Variants in PM20D2 observed in about 807,000 individuals in gnomAD.
PM20D2 encodes the protein peptidase M20 domain containing 2.
In PM20D2, 33 loss-of-function variants were observed where a neutral mutation model predicts 42.9. That is an observed-to-expected ratio of 0.77 (90% confidence interval 0.58 to 1.03). The LOEUF (loss-of-function observed/expected upper bound fraction) is 1.03, where lower values mean the gene tolerates loss of function less well. Ranked by LOEUF, PM20D2 falls within the 50% of genes least tolerant of loss-of-function variation. The pLI, the probability that PM20D2 is intolerant of heterozygous loss-of-function variation, is 0.00. For synonymous variants in PM20D2, 250 were observed against 228.2 expected, an observed-to-expected ratio of 1.10 and a Z score of -0.86; for missense variants, 548 against 557.0, an observed-to-expected ratio of 0.98 and a Z score of 0.16.
chr6:89,151,250 C>T (rs1203106021), intron 2 of PM20D2, among the ~76,000 whole-genome samples: 8 of 135,370 alleles, frequency 5.9e-5, no homozygotes, highest in South Asian at 4.4e-4. Flanking sequence ...TTTTTTTTTC[C>T]GAGAGAGTCT....
Position 89,158,367 on chromosome 6 carries a change from C to T in PM20D2, c.955C>T (p.Pro319Ser), listed in dbSNP as rs933939372. The T allele has an allele frequency of 6.2e-7, 1 of 1,607,352 alleles. No individual in the cohort carries two copies. Among genetic ancestry groups the T allele is most frequent in the South Asian group, 1.1e-5 (1 of 89,826 alleles). Residue 319 changes from proline (P) to serine (S), a missense_variant, in exon 5 of 7, where the codon CCC becomes TCC. Coordinates refer to ENST00000275072, the MANE Select transcript of PM20D2 (RefSeq NM_001010853.3). ...AGCACATGATTATTACAATGTTCTT[C>T]CCAATAAGAGCCTATGGAAAGCCTA... The part of the protein sequence containing the change: ...GGAHDYYNVL[P>S]NKSLWKAYME...
chr6:89,145,121 A>G (rs1417551267), upstream of PM20D2, among the ~76,000 whole-genome samples: 5 of 152,230 alleles, frequency 3.3e-5, no homozygotes. Context: ...AGAAGCTTTT[A>G]ATATGTGGAA....
chr6:89,123,985 T>C, the PM20D2 span, among the ~76,000 whole-genome samples: 1 of 152,128 alleles, frequency 6.6e-6, no homozygotes, highest in African/African-American at 2.4e-5. Context: ...TGAAGTGAGC[T>C]GTGTTCGTGC....
chr6:89,109,113 T>C, the PM20D2 span, among the ~76,000 whole-genome samples: 22 of 152,282 alleles, frequency 1.4e-4, no homozygotes, highest in Admixed American at 5.2e-4. Context: ...CCACAGACCA[T>C]AGACTGGCAT....
the PM20D2 span, among the ~76,000 whole-genome samples, chr6:89,129,557 G>A: frequency 6.3e-3 from 956 of 150,698 alleles, 7 homozygotes; most frequent in Admixed American, 8.5e-3. Flanking sequence ...ATAGAAAATG[G>A]ACCAAGACAC....
chr6:89,127,768 A>C, the PM20D2 span, among the ~76,000 whole-genome samples: 3 of 152,212 alleles, frequency 2.0e-5, no homozygotes, highest in African/African-American at 7.2e-5. Context: ...ATTTAAAATA[A>C]AATTTTAAAT....
the PM20D2 span, among the ~76,000 whole-genome samples, chr6:89,110,674 C>T: frequency 6.6e-6 from 1 of 152,148 alleles, no homozygotes; most frequent in Admixed American, 6.5e-5. Context: ...GTGAATCGGC[C>T]TTAGGTTCCC....
chr6:89,131,352 T>C, the PM20D2 span, among the ~76,000 whole-genome samples: 1 of 151,994 alleles, frequency 6.6e-6, no homozygotes, highest in African/African-American at 2.4e-5. Context: ...TTCAACCATA[T>C]CAAGGGGTTA....
At chr6:89,126,149 CT>C in the PM20D2 span, among the ~76,000 whole-genome samples, 1 of 151,758 alleles carries the variant, frequency 6.6e-6, no homozygotes, top group Admixed American at 6.6e-5. Context: ...AGTATCAGCA[CT>C]TTGGGAGGCC....
intron 2 of PM20D2, among the ~76,000 whole-genome samples, chr6:89,149,795 C>G (rs1770765953): frequency 6.6e-6 from 1 of 152,150 alleles, no homozygotes. Context: ...CCACACTTAT[C>G]CATTTTATTT....
the PM20D2 span, among the ~76,000 whole-genome samples, chr6:89,134,877 C>T: frequency 1.3e-5 from 2 of 151,164 alleles, 1 homozygote; most frequent in African/African-American, 4.9e-5. Context: ...GATCTAGCCT[C>T]AGGCTGATTT....
At chr6:89,106,949 G>C in the PM20D2 span, 1 of 614,152 alleles carries the variant, frequency 1.6e-6, no homozygotes, top group Admixed American at 2.1e-5. Context: ...CGCCTGCTGG[G>C]TTTATGCTTG....
At chr6:89,145,978 G>C (rs1770517963), upstream of PM20D2, 1 of 509,686 alleles carries the variant, frequency 2.0e-6, no homozygotes, top group Non-Finnish European at 3.1e-6. Context: ...CGTTTCCCGC[G>C]CGGCGCCGGG....
chr6:89,138,808 T>C, the PM20D2 span, among the ~76,000 whole-genome samples: 1 of 152,144 alleles, frequency 6.6e-6, no homozygotes, highest in African/African-American at 2.4e-5. Flanking sequence ...AAGGTTGCAG[T>C]GAGCAGAGAT....
At chr6:89,094,998 A>G in the PM20D2 span, among the ~76,000 whole-genome samples, 1 of 152,116 alleles carries the variant, frequency 6.6e-6, no homozygotes, top group Non-Finnish European at 1.5e-5. Flanking sequence ...ACTTGTTTCA[A>G]AATTGTATAA....
At chr6:89,098,827 C>T in the PM20D2 span, 2 of 1,613,950 alleles carry the variant, frequency 1.2e-6, no homozygotes, top group Non-Finnish European at 1.7e-6. Context: ...TGGACCTTGA[C>T]CGTCCTCTAG....
intron 2 of PM20D2, among the ~76,000 whole-genome samples, chr6:89,150,576 A>G (rs73505465): frequency 0.26 from 33,198 of 129,660 alleles, 4,388 homozygotes; most frequent in Middle Eastern, 0.3. Context: ...GTCTCACTCA[A>G]TTGCTCAGAC....
rs962346781 is a variant in PM20D2, at chr6:89,146,317, C to G, written c.173C>G (p.Ala58Gly). Residue 58 changes from alanine to glycine, a missense_variant, in exon 1 of 7, where the codon GCC (alanine) becomes GGC (glycine). This residue lies in a region of PM20D2 where 470 missense variants were observed against 464.4 expected (regional missense o/e 1.01). Transcript: ENST00000275072. ...GAGCTGGCCTACGAGGAGCACCATG[C>G]CCACCGCGTGCTGACGCACTTCTTC... is the stretch of plus-strand genomic sequence containing the variant. Reference protein sequence around the residue: ...QPELAYEEHHAHRVLTHFFER... With the variant: ...QPELAYEEHHGHRVLTHFFER... The G allele has an allele frequency of 1.9e-6, 3 of 1,578,538 alleles. No homozygotes were observed. Among genetic ancestry groups the G allele is most frequent in the Non-Finnish European group, 1.7e-6 (2 of 1,170,644 alleles).
chr6:89,117,707 G>C, the PM20D2 span: 1 of 1,061,488 alleles, frequency 9.4e-7, no homozygotes, highest in Non-Finnish European at 1.3e-6. Context: ...GCCTGGGCCC[G>C]CGGGGAGGCT....
Sources: gnomAD v4.1 joint callset for allele counts (sites outside exome capture counted in the v4.1 genomes callset) on GRCh38, gnomAD v4.1.1 for gene constraint, gnomAD v4.1.1 regional missense constraint, MANE v1.5 for transcripts, NCBI Gene and HGNC (gene_info 2026-07-23, HGNC 2026-07-21) for gene names.